The following RPTOR variants were observed in gnomAD, a reference collection of about 807,000 sequenced individuals.
RPTOR encodes the protein regulatory-associated protein of mTOR.
A neutral mutation model predicts 169.9 loss-of-function variants in RPTOR; 21 were observed. That is an observed-to-expected ratio of 0.12 (90% CI 0.09 to 0.18). RPTOR has a LOEUF of 0.18. Among genes scored for constraint, RPTOR ranks in the 10% least tolerant of loss-of-function variants. The probability of loss-of-function intolerance (pLI) is 1.00; values close to 1 mark genes in which losing one functional copy is unlikely to be tolerated. For synonymous variants in RPTOR, 732 were observed against 753.2 expected (o/e 0.97, Z 0.46); for missense variants, 1,133 against 1,855.9 (o/e 0.61, Z 7.16).
chr17:80,815,591 G>C (rs1050013874), intron 7 of RPTOR, among the ~76,000 whole-genome samples: 1 of 152,252 alleles, frequency 6.6e-6, no homozygotes, highest in East Asian at 1.9e-4. Context: ...ATCACACCAT[G>C]TGCTTAACGA....
rs181590213 is a variant in RPTOR at position 80,824,547 on chromosome 17, C to T, written c.1136+1324C>T. On this transcript the variant is annotated intron_variant, in intron 9 of 33. Coordinates refer to ENST00000306801, the MANE Select transcript of RPTOR (RefSeq NM_020761.3). ...AGAAAAGTAAGGCCTTAAATCCTGTCTCTATTTCCTCTAAGACAGGTTATT... is the reference window on the plus strand; with the variant it reads ...AGAAAAGTAAGGCCTTAAATCCTGTTTCTATTTCCTCTAAGACAGGTTATT... Among the ~76,000 whole-genome samples, 225 of 152,152 alleles carry T rather than the reference C, an allele frequency of 1.5e-3. 1 individual carries two copies. The highest frequency in any genetic ancestry group is 3.3e-3 in the Admixed American group (50 of 15,280).
In RPTOR at chr17:80,657,254, A is replaced by T. The variant is rs1055156450; in HGVS notation, c.348+13444A>T. Among the ~76,000 whole-genome samples, 7 of 152,304 alleles carry T rather than the reference A, an allele frequency of 4.6e-5. No individual in the cohort carries two copies. In the South Asian group the frequency reaches 1.5e-3, roughly 32 times the overall value. On this transcript the variant is annotated intron_variant, in intron 3 of 33. Transcript: ENST00000306801. The stretch of plus-strand genomic sequence containing the variant: ...ACCTGGGGACTTGGAGTCTACACTG[A>T]TGGCAGAAGCAAGCTCCAGAAAAGA...
At position 80,896,643 on chromosome 17, in the gene RPTOR, G is replaced by A. The variant is rs1233291808; in HGVS notation, c.2401+2778G>A. ...CACCTTTGAGCCCGCTCCTCAGTTC[G>A]TTTCTCAGAACTGTCTTGGCCGCTC... On this transcript the variant is annotated intron_variant, in intron 20 of 33. Transcript: ENST00000306801. 5.3e-5 allele frequency among the ~76,000 whole-genome samples: 8 copies of A among 151,214 alleles called. No homozygotes were observed. The East Asian group carries it at 7.8e-4, about 15-fold the overall frequency.
At chr17:80,865,279 G>A (rs1160194585) in intron 13 of RPTOR, among the ~76,000 whole-genome samples, 3 of 152,156 alleles carry the variant, frequency 2.0e-5, no homozygotes, top group Non-Finnish European at 4.4e-5. Context: ...AATAGAAAAA[G>A]GCAGGATGAT....
intron 5 of RPTOR, among the ~76,000 whole-genome samples, chr17:80,735,187 A>G (rs2066424406): frequency 1.3e-5 from 2 of 152,190 alleles, no homozygotes; most frequent in Non-Finnish European, 2.9e-5. Flanking sequence ...AATGAGGACC[A>G]TCAGCCACAT....
intron 6 of RPTOR, among the ~76,000 whole-genome samples, chr17:80,755,925 C>G (rs2066676722): frequency 6.6e-6 from 1 of 152,262 alleles, no homozygotes; most frequent in South Asian, 2.1e-4. Context: ...CTTGGCAAAA[C>G]TAGACACCTG....
At chr17:80,821,379 C>A (rs1317631108) in intron 7 of RPTOR, among the ~76,000 whole-genome samples, 1 of 152,208 alleles carries the variant, frequency 6.6e-6, no homozygotes, top group East Asian at 1.9e-4. Context: ...TGCTGATCAG[C>A]TAAATCTTTT....
intron 13 of RPTOR, among the ~76,000 whole-genome samples, chr17:80,869,301 A>G (rs2143792907): frequency 6.6e-6 from 1 of 152,262 alleles, no homozygotes; most frequent in East Asian, 1.9e-4. Context: ...CTAGGACTAC[A>G]GACGCCTGCC....
intron 11 of RPTOR, among the ~76,000 whole-genome samples, chr17:80,847,314 C>A (rs1272043697): frequency 6.6e-6 from 1 of 152,186 alleles, no homozygotes; most frequent in Non-Finnish European, 1.5e-5. Context: ...GGTTTTTGGT[C>A]ACTGAGATAG....
At position 80,876,214 on chromosome 17, in the gene RPTOR, G is replaced by A. The variant is rs374123125; in HGVS notation, c.1510-4201G>A. ...CCTGCCGTGTCTTCCCACCGAACCC[G>A]TGCCACGCAGGGTGTGTGTGTCGCC... On this transcript the variant is annotated intron_variant, in intron 13 of 33. Coordinates refer to ENST00000306801, the MANE Select transcript of RPTOR (RefSeq NM_020761.3). 5.5e-5 allele frequency among the ~76,000 whole-genome samples: 5 copies of A among 91,420 alleles called. 1 individual carries two copies. In the East Asian group the frequency reaches 1.5e-3, roughly 28 times the overall value. The allele number at this position is 91,420 out of a possible 152,430, so 60.0% of individuals were successfully genotyped here.
chr17:80,603,807 C>A (rs989194401), intron 1 of RPTOR, among the ~76,000 whole-genome samples: 3 of 152,206 alleles, frequency 2.0e-5, no homozygotes, highest in South Asian at 2.1e-4. Context: ...CGAGACTTAG[C>A]CCCCAGGGTT....
chr17:80,715,768 C>T (rs2143134266), intron 4 of RPTOR, among the ~76,000 whole-genome samples: 1 of 151,912 alleles, frequency 6.6e-6, no homozygotes, highest in South Asian at 2.1e-4. Flanking sequence ...ATTCTTATGC[C>T]TTTGTGTCCT....
chr17:80,566,483 T>C (rs2064841910), intron 1 of RPTOR, among the ~76,000 whole-genome samples: 2 of 152,154 alleles, frequency 1.3e-5, no homozygotes, highest in Admixed American at 1.3e-4. Context: ...GGTATACACT[T>C]ATACACAGGT....
intron 1 of RPTOR, among the ~76,000 whole-genome samples, chr17:80,607,800 C>A (rs774554279): frequency 2.6e-5 from 4 of 151,960 alleles, no homozygotes; most frequent in East Asian, 1.9e-4. Context: ...CACCCACATG[C>A]TCCCCAATTT....
intron 13 of RPTOR, among the ~76,000 whole-genome samples, chr17:80,863,853 G>A (rs780481660): frequency 2.3e-4 from 35 of 152,292 alleles, no homozygotes; most frequent in African/African-American, 3.1e-4. Flanking sequence ...CCGGGAGGTC[G>A]AGGCTGCAAA....
At position 80,960,396 on chromosome 17, in the gene RPTOR, A is replaced by G. The variant is rs565162818; in HGVS notation, c.3605+191A>G. Among the ~76,000 whole-genome samples the G allele has an allele frequency of 1.3e-5, 2 of 152,312 alleles. No individual in the cohort carries two copies. The highest frequency in any genetic ancestry group is 2.1e-4 in the South Asian group (1 of 4,830). ...CGCCAGGCCCGTCCCACTGAGGCCC[A>G]TCCCACAAAGGTCTGCCCCACAGAG... On this transcript the variant is annotated intron_variant, in intron 30 of 33. Coordinates refer to ENST00000306801, the MANE Select transcript of RPTOR (RefSeq NM_020761.3). This position sits in a 1 kb window ranked among gnomAD's most constrained non-coding sequence, Gnocchi z 4.8.
At chr17:80,898,695 C>A (rs1311181129) in intron 20 of RPTOR, among the ~76,000 whole-genome samples, 1 of 125,670 alleles carries the variant, frequency 8.0e-6, no homozygotes, top group Non-Finnish European at 1.7e-5. Context: ...CGCCCCGACT[C>A]CCCCCGCCCC....
intron 5 of RPTOR, among the ~76,000 whole-genome samples, chr17:80,739,542 A>G (rs78532799): frequency 0.062 from 9,411 of 152,270 alleles, 990 homozygotes; most frequent in African/African-American, 0.22. Context: ...TCCAGCGTCC[A>G]TGCGGCATTC....
chr17:80,965,806 C>T lies in RPTOR; in HGVS notation c.*1476C>T. 1 of 233,362 alleles carries T rather than the reference C, an allele frequency of 4.3e-6. No individual in the cohort carries two copies. Among genetic ancestry groups the T allele is most frequent in the Non-Finnish European group, 8.5e-6 (1 of 118,106 alleles). 14.5% of individuals were successfully genotyped at this position (233,362 alleles called of 1,614,324 possible). A position where few individuals can be genotyped will look rare whatever the true frequency, so the allele number is the denominator to read the frequency against. ...CTGGCCGGGACGTGACAAGGCAGGA[C>T]AGAGGCGGCCCCTCCGCTGCTCCTT... On this transcript the variant is annotated 3_prime_UTR_variant, in exon 34 of 34. Coordinates refer to ENST00000306801, the MANE Select transcript of RPTOR (RefSeq NM_020761.3).
Sources: gnomAD v4.1 joint callset for allele counts (sites outside exome capture counted in the v4.1 genomes callset) on GRCh38, gnomAD v4.1.1 for gene constraint, Gnocchi (gnomAD v3.1) non-coding constraint, MANE v1.5 for transcripts, NCBI Gene and HGNC (gene_info 2026-07-23, HGNC 2026-07-21) for gene names.